EFCAB8: variants seen among roughly 807,000 people sequenced by gnomAD.
EFCAB8 encodes the protein EF-hand calcium binding domain 8, also known as EF-hand calcium-binding domain-containing protein 8.
A neutral mutation model predicts 116.3 loss-of-function variants in EFCAB8; 100 were observed. The observed-to-expected ratio is 0.86, with a 90% CI of 0.73 to 1.02. The LOEUF is 1.02. Among genes scored for constraint, EFCAB8 ranks in the 50% least tolerant of loss-of-function variants. The pLI, the probability that EFCAB8 is intolerant of heterozygous loss-of-function variation, is 0.00. For synonymous variants in EFCAB8, 558 were observed against 567.9 expected (o/e 0.98, Z 0.25); for missense variants, 1,320 against 1,416.9 (o/e 0.93, Z 1.10).
intron 15 of EFCAB8, among the ~76,000 whole-genome samples, chr20:32,910,890 A>G (rs1221859342): frequency 6.6e-6 from 1 of 151,750 alleles, no homozygotes; most frequent in African/African-American, 2.4e-5. Flanking sequence ...GGCATGCACC[A>G]CCACCCCCAG....
chr20:32,930,836 C>T (rs2146274424), intron 21 of EFCAB8, among the ~76,000 whole-genome samples: 1 of 152,308 alleles, frequency 6.6e-6, no homozygotes, highest in African/African-American at 2.4e-5. Context: ...TGGAGAATTC[C>T]GTGCTCCATC....
chr20:32,911,464 T>C lies in EFCAB8; in HGVS notation c.1558-16T>C, dbSNP rs1002181015. On this transcript the variant is annotated splice_polypyrimidine_tract_variant and intron_variant, in intron 15 of 26. Coordinates refer to ENST00000400522, the MANE Select transcript of EFCAB8 (RefSeq NM_001143967.2). ...CCCGGCCTCTCCAGCAGCCCCCAGCTGTGTGCTCCCTACAGGTGGTGAGTG... is the reference window on the plus strand; with the variant it reads ...CCCGGCCTCTCCAGCAGCCCCCAGCCGTGTGCTCCCTACAGGTGGTGAGTG... The C allele has an allele frequency of 3.4e-5, 50 of 1,459,680 alleles. No homozygotes were observed. The African/African-American group carries it at 6.2e-4, about 18-fold the overall frequency. The allele number at this position is 1,459,680 out of a possible 1,614,324, so 90.4% of individuals were successfully genotyped here.
chr20:32,959,649 C>T, intron 24 of EFCAB8, 129 bp from the exon 25 acceptor site: 2 of 693,948 alleles, frequency 2.9e-6, no homozygotes, highest in South Asian at 3.9e-5. Flanking sequence ...TCTGGGGAGT[C>T]TGGCCTGAGG....
intron 7 of EFCAB8, among the ~76,000 whole-genome samples, chr20:32,889,913 A>G (rs1158879045): frequency 2.0e-5 from 3 of 151,628 alleles, no homozygotes; most frequent in Non-Finnish European, 2.9e-5. Flanking sequence ...GAGGCAGGAG[A>G]ATCGCTTGAA....
At chr20:32,961,026 T>C in intron 26 of EFCAB8, 110 bp from the exon 27 acceptor site, 1 of 928,716 alleles carries the variant, frequency 1.1e-6, no homozygotes, top group Non-Finnish European at 1.7e-6. Flanking sequence ...CACGCCTTCT[T>C]GGCATGGGAA....
intron 11 of EFCAB8, among the ~76,000 whole-genome samples, chr20:32,900,824 T>C (rs1289108695): frequency 6.6e-6 from 1 of 152,192 alleles, no homozygotes; most frequent in Non-Finnish European, 1.5e-5. Context: ...CACCTTGGCC[T>C]CCCAAAGTAC....
chr20:32,961,542 G>A lies in EFCAB8; in HGVS notation c.3800G>A (p.Arg1267Gln), dbSNP rs540844899. The A allele has an allele frequency of 9.9e-6, 14 of 1,407,166 alleles. No individual in the cohort carries two copies. The highest frequency in any genetic ancestry group is 1.8e-5 in the South Asian group (1 of 54,446). 87.2% of individuals were successfully genotyped at this position (1,407,166 alleles called of 1,614,324 possible). A position where few individuals can be genotyped will look rare whatever the true frequency, so the allele number is the denominator to read the frequency against. ...TPKHIVSSFE[R>Q]PPRPLKATFM... The stretch of plus-strand genomic sequence containing the variant: ...AAGCACATTGTCTCCTCCTTCGAGC[G>A]GCCCCCAAGGCCTCTGAAGGCCACC... Residue 1267 changes from arginine to glutamine, a missense_variant, in exon 27 of 27, where the codon CGG (arginine) becomes CAG (glutamine). Physicochemically the swap from Arg to Gln is conservative, Grantham distance 43 (BLOSUM62 1). Transcript: ENST00000400522.
intron 16 of EFCAB8, among the ~76,000 whole-genome samples, chr20:32,912,293 T>C (rs1200777820): frequency 6.6e-6 from 1 of 151,862 alleles, no homozygotes; most frequent in African/African-American, 2.4e-5. Context: ...CAAAAAAAAT[T>C]AGCCAGGCGT....
intron 6 of EFCAB8, among the ~76,000 whole-genome samples, chr20:32,888,960 T>TG: frequency 7.1e-6 from 1 of 141,520 alleles, no homozygotes; most frequent in South Asian, 2.4e-4. Context: ...GTTTTTTTTG[T>TG]GGGGGGCGGG....
At chr20:32,959,052 C>G (rs536452196) in intron 24 of EFCAB8, among the ~76,000 whole-genome samples, 2 of 152,328 alleles carry the variant, frequency 1.3e-5, no homozygotes, top group East Asian at 3.9e-4. Flanking sequence ...CATCTTTATT[C>G]CTGACCAAGT....
intron 23 of EFCAB8, among the ~76,000 whole-genome samples, chr20:32,946,511 G>A (rs369559496): frequency 1.3e-5 from 2 of 152,168 alleles, no homozygotes; most frequent in South Asian, 2.1e-4. Flanking sequence ...TAGGGAGAAG[G>A]AAGTTCTGGA....
In EFCAB8 at chr20:32,943,738, C is replaced by T. The variant is rs13045180; in HGVS notation, c.2893C>T (p.Gln965Ter). The T allele has an allele frequency of 0.17, 72,322 of 416,780 alleles. 7,380 individuals carry two copies. Among genetic ancestry groups the T allele is most frequent in the Admixed American group, 0.25 (5,590 of 22,732 alleles). The allele number at this position is 416,780 out of a possible 1,614,324, so 25.8% of individuals were successfully genotyped here. ...VADILYVDNF[Q>*]LVISAGQDRD... ...AGACATCCTGTATGTGGACAACTTC[C>T]AGCTGGTTATCAGCGCTGGCCAGGA... The change falls in exon 23 of 27, where the codon CAG (glutamine) becomes TAG (stop). Residue 965 changes from glutamine (Q) to a stop codon, truncating the protein, a stop_gained. Transcript: ENST00000400522. LOFTEE classifies it high-confidence loss of function.
Position 32,893,286 on chromosome 20 carries a change from G to T in EFCAB8, c.871G>T (p.Ala291Ser), listed in dbSNP as rs904357494. 2 of 1,551,822 alleles carry T rather than the reference G, an allele frequency of 1.3e-6. No individual in the cohort carries two copies. Among genetic ancestry groups the T allele is most frequent in the Non-Finnish European group, 1.7e-6 (2 of 1,147,010 alleles). Residue 291 changes from alanine to serine, a missense_variant, in exon 9 of 27, where the codon GCC (alanine) becomes TCC (serine). Physicochemically the swap from Ala to Ser is moderately conservative, Grantham distance 99. Coordinates refer to ENST00000400522, the MANE Select transcript of EFCAB8 (RefSeq NM_001143967.2). ...GLFNPRILPR[A>S]SKWDHWIKVS... ...GTTCAACCCCCGTATCCTCCCCAGG[G>T]CCTCCAAGTGGGGTAGCTAAGATGC...
chr20:32,943,461 C>T (rs191107653), intron 22 of EFCAB8, among the ~76,000 whole-genome samples, 175 bp from the exon 23 acceptor site: 41 of 152,284 alleles, frequency 2.7e-4, no homozygotes, highest in Non-Finnish European at 5.0e-4. Flanking sequence ...AGAGAAGTGC[C>T]GGGACCTATG....
chr20:32,896,016 G>A (rs1188112572), intron 9 of EFCAB8, among the ~76,000 whole-genome samples: 1 of 152,174 alleles, frequency 6.6e-6, no homozygotes, highest in Non-Finnish European at 1.5e-5. Context: ...TTTGGAACCT[G>A]TGCTTTCTGG....
chr20:32,939,125 CTCTT>C (rs56136077), intron 22 of EFCAB8, among the ~76,000 whole-genome samples: 1,453 of 56,242 alleles, frequency 0.026, 32 homozygotes, highest in East Asian at 0.06. Flanking sequence ...CTCTTTCTTT[CTCTT>C]TCTTTCTTTC....
intron 5 of EFCAB8, among the ~76,000 whole-genome samples, chr20:32,885,270 C>T (rs1215175476): frequency 2.0e-5 from 3 of 152,204 alleles, no homozygotes; most frequent in African/African-American, 4.8e-5. Context: ...TCTGGAGCCC[C>T]GCCTCATATC....
At position 32,898,567 on chromosome 20, in the gene EFCAB8, C is replaced by T. The variant is rs1400664767; in HGVS notation, c.1032C>T (p.Ile344=). The T allele has an allele frequency of 4.2e-6, 3 of 718,556 alleles. No individual in the cohort carries two copies. The highest frequency in any genetic ancestry group is 2.7e-5 in the East Asian group (1 of 37,294). 44.5% of individuals were successfully genotyped at this position (718,556 alleles called of 1,614,324 possible). A position where few individuals can be genotyped will look rare whatever the true frequency, so the allele number is the denominator to read the frequency against. The part of the protein sequence containing the change: ...QMNVVVSCSA[I]EKSSLVLTIL... ...ATGTGGTAGTCTCCTGTTCAGCCAT[C>T]GAGAAGTCCTCTCTGGTGCTGACAA... is the stretch of plus-strand genomic sequence containing the variant. The change falls in exon 11 of 27, where the codon ATC becomes ATT. Residue 344 remains isoleucine (I), a synonymous_variant. Coordinates refer to ENST00000400522, the MANE Select transcript of EFCAB8 (RefSeq NM_001143967.2).
intron 20 of EFCAB8, among the ~76,000 whole-genome samples, chr20:32,921,854 G>A (rs1289869619): frequency 5.2e-4 from 68 of 131,964 alleles, no homozygotes; most frequent in African/African-American, 1.7e-3. Flanking sequence ...TTTTTGAGAC[G>A]GAGTCTTGCT....
Sources: allele counts gnomAD v4.1 joint callset (sites outside exome capture counted in the v4.1 genomes callset), GRCh38; gene constraint gnomAD v4.1.1; transcripts MANE v1.5; gene names NCBI Gene and HGNC (gene_info 2026-07-23, HGNC 2026-07-21).